The following ITPRID1 variants were observed in gnomAD, a reference collection of about 807,000 sequenced individuals.
ITPRID1 encodes the protein ITPR interacting domain containing 1, also known as protein ITPRID1.
Under a neutral mutation model 95.4 loss-of-function variants are expected in ITPRID1, and 96 were observed. The observed-to-expected ratio is 1.01, with a 90% CI of 0.85 to 1.19. ITPRID1 has a LOEUF of 1.19. Among genes scored for constraint, ITPRID1 ranks in the 50% most tolerant of loss-of-function variants. The pLI is 0.00. For synonymous variants in ITPRID1, 510 were observed against 453.6 expected, an observed-to-expected ratio of 1.12 and a Z score of -1.58; for missense variants, 1,339 against 1,252.9, an observed-to-expected ratio of 1.07 and a Z score of -1.04.
In ITPRID1 at chr7:31,643,555, G is replaced by T. The variant is rs1291641787; in HGVS notation, c.2185G>T (p.Gly729Cys). ...AAQRAVALGTGPRGTSLECTV... is the reference protein window; with the variant it reads ...AAQRAVALGTCPRGTSLECTV... ...TCAGAGGGCTGTGGCCTTGGGGACT[G>T]GTCCCAGAGGAACATCTTTAGAATG... Residue 729 changes from glycine to cysteine, a missense_variant, in exon 12 of 15, where the codon GGT becomes TGT. Gly to Cys is a radical substitution (Grantham distance 159). Coordinates refer to ENST00000615280, the MANE Select transcript of ITPRID1 (RefSeq NM_001257967.3). The T allele has an allele frequency of 2.5e-6, 4 of 1,614,016 alleles. No individual in the cohort carries two copies. The highest frequency in any genetic ancestry group is 1.3e-5 in the African/African-American group (1 of 75,048).
At chr7:31,645,622 T>C (rs1301296027) in intron 12 of ITPRID1, among the ~76,000 whole-genome samples, 1 of 152,248 alleles carries the variant, frequency 6.6e-6, no homozygotes, top group African/African-American at 2.4e-5. Context: ...ACCACCATCA[T>C]CATTATTTAC....
chr7:31,546,398 TGTG>T (rs766811751), intron 1 of ITPRID1, among the ~76,000 whole-genome samples: 73 of 139,972 alleles, frequency 5.2e-4, no homozygotes, highest in Admixed American at 5.0e-4. Context: ...AGAGAAATAT[TGTG>T]TGTGTGTGTG....
intron 10 of ITPRID1, among the ~76,000 whole-genome samples, chr7:31,609,771 A>G (rs886075587): frequency 2.6e-5 from 4 of 151,010 alleles, no homozygotes; most frequent in African/African-American, 4.9e-5. Context: ...TTGTTTTCCC[A>G]TTGTCTATTT....
intron 10 of ITPRID1, among the ~76,000 whole-genome samples, chr7:31,622,637 T>G (rs1400215090): frequency 6.6e-6 from 1 of 151,978 alleles, no homozygotes; most frequent in Non-Finnish European, 1.5e-5. Context: ...TAGCACTAAA[T>G]GCCCACAAGA....
chr7:31,624,269 T>G (rs1788220202), intron 10 of ITPRID1, among the ~76,000 whole-genome samples: 1 of 144,744 alleles, frequency 6.9e-6, no homozygotes, highest in Non-Finnish European at 1.5e-5. Flanking sequence ...TGGAAAAAAC[T>G]ACTTTAAAGT....
intron 10 of ITPRID1, among the ~76,000 whole-genome samples, chr7:31,618,938 G>A (rs139662839): frequency 2.8e-4 from 43 of 152,286 alleles, no homozygotes; most frequent in African/African-American, 4.8e-4. Context: ...CATATGTGTC[G>A]AGAGAGTAGG....
At chr7:31,648,217 TTGGTGATGG>T (rs1790654365) in intron 12 of ITPRID1, among the ~76,000 whole-genome samples, 1 of 152,162 alleles carries the variant, frequency 6.6e-6, no homozygotes. Flanking sequence ...TCATTGTCTT[TTGGTGATGG>T]TGCTCTTACC....
intron 1 of ITPRID1, among the ~76,000 whole-genome samples, chr7:31,516,174 T>G (rs1188936497): frequency 2.0e-5 from 3 of 152,144 alleles, no homozygotes; most frequent in African/African-American, 7.2e-5. Flanking sequence ...GCTAGAAGAT[T>G]AATAATAAAC....
intron 10 of ITPRID1, among the ~76,000 whole-genome samples, chr7:31,634,819 G>A (rs1217978311): frequency 6.6e-6 from 1 of 152,212 alleles, no homozygotes; most frequent in Non-Finnish European, 1.5e-5. Context: ...ACTGGTAGGT[G>A]CCAGGTGGGA....
intron 10 of ITPRID1, among the ~76,000 whole-genome samples, chr7:31,628,624 A>G (rs1397870151): frequency 6.6e-6 from 1 of 151,674 alleles, no homozygotes; most frequent in African/African-American, 2.4e-5. Context: ...CGCCCCGCTA[A>G]TTTTTGTATT....
intron 1 of ITPRID1, among the ~76,000 whole-genome samples, chr7:31,539,758 C>T (rs1378690900): frequency 6.6e-6 from 1 of 152,194 alleles, no homozygotes; most frequent in Non-Finnish European, 1.5e-5. Flanking sequence ...CAGGATGAGA[C>T]AGCTTAATCA....
chr7:31,549,319 C>T (rs1423523036), intron 1 of ITPRID1, 107 bp from the exon 2 acceptor site: 3 of 675,052 alleles, frequency 4.4e-6, no homozygotes, highest in South Asian at 3.7e-5. Flanking sequence ...ATCATCCAAA[C>T]TAAGTAATTT....
chr7:31,531,683 T>C (rs890670163), intron 1 of ITPRID1, among the ~76,000 whole-genome samples: 4 of 147,214 alleles, frequency 2.7e-5, no homozygotes, highest in Non-Finnish European at 6.1e-5. Context: ...ATTCAACTAG[T>C]AGAAGGGAGC....
At chr7:31,649,293 G>A (rs1487639443) in intron 12 of ITPRID1, among the ~76,000 whole-genome samples, 1 of 152,154 alleles carries the variant, frequency 6.6e-6, no homozygotes, top group Non-Finnish European at 1.5e-5. Context: ...GTTTAGAGAG[G>A]AAGGGTAAGA....
At chr7:31,570,072 A>G (rs1411469608) in intron 6 of ITPRID1, among the ~76,000 whole-genome samples, 1 of 152,226 alleles carries the variant, frequency 6.6e-6, no homozygotes, top group African/African-American at 2.4e-5. Flanking sequence ...TGCATAAATG[A>G]CATTCTACTG....
chr7:31,625,423 C>T (rs1443060420), intron 10 of ITPRID1, among the ~76,000 whole-genome samples: 1 of 151,958 alleles, frequency 6.6e-6, no homozygotes, highest in Non-Finnish European at 1.5e-5. Context: ...ACATATACAC[C>T]ATGGAATACT....
chr7:31,621,179 A>C (rs1270079123), intron 10 of ITPRID1, among the ~76,000 whole-genome samples: 48 of 152,222 alleles, frequency 3.2e-4, no homozygotes, highest in East Asian at 1.9e-3. Flanking sequence ...CTGGAAAACA[A>C]TCTGCAGGAT....
At chr7:31,597,938 T>C (rs1786157305) in intron 10 of ITPRID1, among the ~76,000 whole-genome samples, 1 of 152,014 alleles carries the variant, frequency 6.6e-6, no homozygotes, top group South Asian at 2.1e-4. Flanking sequence ...AATAAACCAA[T>C]GAAATAAACA....
chr7:31,558,468 C>T (rs963333309), intron 5 of ITPRID1, among the ~76,000 whole-genome samples: 5 of 152,002 alleles, frequency 3.3e-5, no homozygotes, highest in Admixed American at 3.3e-4. Context: ...TGATGTGGTG[C>T]AATACTAACT....
Sources: allele counts gnomAD v4.1 joint callset (sites outside exome capture counted in the v4.1 genomes callset), GRCh38; gene constraint gnomAD v4.1.1; transcripts MANE v1.5; gene names NCBI Gene and HGNC (gene_info 2026-07-23, HGNC 2026-07-21).